Variants in SULF1 observed in about 807,000 individuals in gnomAD.
SULF1 encodes extracellular sulfatase Sulf-1.
In SULF1, 46 loss-of-function variants were observed where a neutral mutation model predicts 110.5. The ratio of observed to expected loss-of-function variants is 0.42; its 90% CI spans 0.33 to 0.53. SULF1 has a LOEUF of 0.53. Ranked by LOEUF, SULF1 falls within the 20% of genes least tolerant of loss-of-function variation. The pLI, the probability that SULF1 is intolerant of heterozygous loss-of-function variation, is 0.12. For synonymous variants in SULF1, 371 were observed against 387.1 expected (o/e 0.96, Z 0.49); for missense variants, 941 against 1,094.2 (o/e 0.86, Z 1.98).
chr8:69,643,844 C>T (rs79304229), intron 22 of SULF1, among the ~76,000 whole-genome samples: 6,893 of 152,232 alleles, frequency 0.045, 367 homozygotes, highest in African/African-American at 0.13. Context: ...ATTTGTGGCT[C>T]ATTTGAAAGC....
chr8:69,548,631 T>G (rs1302614248), intron 3 of SULF1, among the ~76,000 whole-genome samples: 1 of 149,814 alleles, frequency 6.7e-6, no homozygotes, highest in Non-Finnish European at 1.5e-5. Context: ...TTTTTTTTTT[T>G]TGTATTTTTA....
intron 8 of SULF1, chr8:69,596,987 T>C (rs530599086): frequency 1.3e-5 from 2 of 152,192 alleles, no homozygotes; most frequent in Non-Finnish European, 2.9e-5. Flanking sequence ...GATCACATAA[T>C]ATTAAGGAAC....
chr8:69,598,011 G>T (rs1051859596), intron 8 of SULF1, among the ~76,000 whole-genome samples: 18 of 151,200 alleles, frequency 1.2e-4, no homozygotes, highest in African/African-American at 3.6e-4. Flanking sequence ...TGTTTGTAAC[G>T]CAACATGCTG....
At chr8:69,632,347 G>A (rs1342768127) in intron 19 of SULF1, among the ~76,000 whole-genome samples, 2 of 152,088 alleles carry the variant, frequency 1.3e-5, no homozygotes, top group East Asian at 3.8e-4. Context: ...TCAGGATCCT[G>A]TACACATATG....
chr8:69,600,793 A>G (rs1281209093), intron 9 of SULF1, 40 bp downstream of exon 9: 8 of 1,597,794 alleles, frequency 5.0e-6, no homozygotes, highest in Non-Finnish European at 6.8e-6. Flanking sequence ...TTTTTGGCCC[A>G]GCTTCCTTTG....
At chr8:69,651,980 G>A (rs766809753) in intron 22 of SULF1, among the ~76,000 whole-genome samples, 16 of 152,056 alleles carry the variant, frequency 1.1e-4, no homozygotes, top group Non-Finnish European at 1.8e-4. Context: ...CTGGGGGCTC[G>A]AGGCAAGAAT....
intron 13 of SULF1, among the ~76,000 whole-genome samples, chr8:69,619,973 G>A (rs1809479116): frequency 6.6e-6 from 1 of 152,206 alleles, no homozygotes; most frequent in African/African-American, 2.4e-5. Flanking sequence ...CAATATGACA[G>A]CTTTCCGTAT....
chr8:69,501,425 C>T (rs537040939), intron 2 of SULF1, among the ~76,000 whole-genome samples: 2 of 152,188 alleles, frequency 1.3e-5, no homozygotes, highest in Non-Finnish European at 2.9e-5. Context: ...CTTGGAAATG[C>T]TTACTTTGCT....
At chr8:69,538,605 T>C (rs1279654449) in intron 3 of SULF1, among the ~76,000 whole-genome samples, 1 of 152,210 alleles carries the variant, frequency 6.6e-6, no homozygotes, top group African/African-American at 2.4e-5. Context: ...AATTAGACCA[T>C]GAGAGAAAGT....
At chr8:69,513,941 G>A (rs762686958) in intron 3 of SULF1, among the ~76,000 whole-genome samples, 1 of 152,208 alleles carries the variant, frequency 6.6e-6, no homozygotes, top group African/African-American at 2.4e-5. Context: ...TAATGAAAAG[G>A]TAACAGTATA....
At chr8:69,600,573 A>G (rs1807716922) in intron 8 of SULF1, 30 bp from the exon 9 acceptor site, 1 of 1,578,022 alleles carries the variant, frequency 6.3e-7, no homozygotes, top group South Asian at 1.2e-5. Flanking sequence ...TAAGAAATAT[A>G]TAGTAAGATT....
Position 69,609,174 on chromosome 8 carries a change from C to T in SULF1, c.1377+4242C>T, listed in dbSNP as rs552681051. Among the ~76,000 whole-genome samples the T allele has an allele frequency of 4.9e-4, 75 of 152,154 alleles. No individual in the cohort carries two copies. The South Asian group carries it at 6.8e-3, about 14-fold the overall frequency. On this transcript the variant is annotated intron_variant, in intron 13 of 22. Coordinates refer to ENST00000402687, the MANE Select transcript of SULF1 (RefSeq NM_001128205.2). ...GACCAGTCTAGGCAACCTAGGGAGA[C>T]GCCGTCTCCACGCACAAACAAAATA...
At position 69,566,589 on chromosome 8, in the gene SULF1, G is replaced by A. The variant is rs181991357; in HGVS notation, c.172+2442G>A. Reference sequence around the variant, plus strand: ...TCATTGGCTGGGTGTGGTCATTCTCGCCTATAATCCCAGCACTTCGGGAGG... The same window carrying A: ...TCATTGGCTGGGTGTGGTCATTCTCACCTATAATCCCAGCACTTCGGGAGG... On this transcript the variant is annotated intron_variant, in intron 5 of 22. Transcript: ENST00000402687. 6.7e-3 allele frequency among the ~76,000 whole-genome samples: 1,021 copies of A among 152,162 alleles called. 10 individuals carry two copies. Among genetic ancestry groups the A allele is most frequent in the African/African-American group, 0.023 (960 of 41,496 alleles).
chr8:69,508,591 T>G (rs1811352482), intron 3 of SULF1, among the ~76,000 whole-genome samples: 1 of 152,220 alleles, frequency 6.6e-6, no homozygotes, highest in Admixed American at 6.5e-5. Flanking sequence ...ACAGATGGAA[T>G]TTTAAGCAAA....
At chr8:69,517,712 G>A (rs1056435315) in intron 3 of SULF1, among the ~76,000 whole-genome samples, 2 of 152,108 alleles carry the variant, frequency 1.3e-5, no homozygotes, top group African/African-American at 4.8e-5. Context: ...AAGAGAAAAA[G>A]TATCCAGTAA....
intron 3 of SULF1, among the ~76,000 whole-genome samples, chr8:69,539,888 G>A (rs1411880073): frequency 6.6e-6 from 1 of 152,206 alleles, no homozygotes; most frequent in Non-Finnish European, 1.5e-5. Flanking sequence ...CAGGGCTGTT[G>A]TGGGGAACAG....
At chr8:69,600,775 A>G in intron 9 of SULF1, 22 bp downstream of exon 9, 2 of 1,605,162 alleles carry the variant, frequency 1.2e-6, no homozygotes, top group East Asian at 2.2e-5. Context: ...AACCTACCTC[A>G]GTGATAGTTT....
At chr8:69,606,727 G>A (rs758594786) in intron 13 of SULF1, among the ~76,000 whole-genome samples, 52 of 152,160 alleles carry the variant, frequency 3.4e-4, no homozygotes, top group Non-Finnish European at 1.3e-4. Context: ...TGCTAACTAA[G>A]TTACAAACTT....
chr8:69,658,983 G>A lies in SULF1; in HGVS notation c.*448G>A, dbSNP rs114581461. On this transcript the variant is annotated 3_prime_UTR_variant, in exon 23 of 23. Coordinates refer to ENST00000402687, the MANE Select transcript of SULF1 (RefSeq NM_001128205.2). Reference sequence around the variant, plus strand: ...ACTGGAGAAAAACCGAAAAATGGACGGGGCATGAAGAGACTAATCATCTGG... The same window carrying A: ...ACTGGAGAAAAACCGAAAAATGGACAGGGCATGAAGAGACTAATCATCTGG... 1.8e-4 allele frequency: 81 copies of A among 457,664 alleles called. No homozygotes were observed. In the East Asian group the frequency reaches 1.9e-3, roughly 11 times the overall value. 28.4% of individuals were successfully genotyped at this position (457,664 alleles called of 1,614,324 possible). A position where few individuals can be genotyped will look rare whatever the true frequency, so the allele number is the denominator to read the frequency against.
Sources: allele counts gnomAD v4.1 joint callset (sites outside exome capture counted in the v4.1 genomes callset), GRCh38; gene constraint gnomAD v4.1.1; transcripts MANE v1.5; gene names NCBI Gene and HGNC (gene_info 2026-07-23, HGNC 2026-07-21).